Variants in AGTPBP1 observed in about 807,000 individuals in gnomAD.
AGTPBP1 encodes cytosolic carboxypeptidase 1.
A neutral mutation model predicts 143.9 loss-of-function variants in AGTPBP1; 70 were observed. That is an observed-to-expected ratio of 0.49 (90% CI 0.40 to 0.59). The LOEUF (loss-of-function observed/expected upper bound fraction) is 0.59. Among genes scored for constraint, AGTPBP1 ranks in the 20% least tolerant of loss-of-function variants. The pLI is 0.00. For synonymous variants in AGTPBP1, 463 were observed against 500.2 expected (o/e 0.93, Z 0.99); for missense variants, 1,229 against 1,464.5 (o/e 0.84, Z 2.62).
the AGTPBP1 span, chr9:85,756,201 T>C: frequency 1.9e-6 from 3 of 1,607,618 alleles, no homozygotes; most frequent in South Asian, 1.1e-5. Flanking sequence ...AAGGAGGCTC[T>C]GTTACAGGAG....
At position 85,646,374 on chromosome 9, in the gene AGTPBP1, C is replaced by T; in HGVS notation, c.1132G>A (p.Val378Ile). 1 of 1,613,056 alleles carries T rather than the reference C, an allele frequency of 6.2e-7. No homozygotes were observed. The highest frequency in any genetic ancestry group is 8.5e-7 in the Non-Finnish European group (1 of 1,179,736). Residue 378 changes from valine (V) to isoleucine (I), a missense_variant, in exon 12 of 26, where the codon GTA becomes ATA. Coordinates refer to ENST00000357081, the MANE Select transcript of AGTPBP1 (RefSeq NM_001330701.2). ...TTCTCAGTTTCGTTTTCAGCTTCTACATCAATATCATCGTTGTCATCACTT... is the reference window on the plus strand; with the variant it reads ...TTCTCAGTTTCGTTTTCAGCTTCTATATCAATATCATCGTTGTCATCACTT... ...DESDDNDDID[V>I]EAENETENED...
intron 2 of AGTPBP1, among the ~76,000 whole-genome samples, chr9:85,703,932 A>C (rs1342776766): frequency 2.0e-5 from 3 of 152,252 alleles, no homozygotes; most frequent in African/African-American, 4.8e-5. Flanking sequence ...GGTACCGCAG[A>C]CACCAACTGA....
chr9:85,707,486 C>T (rs76682886), intron 2 of AGTPBP1, among the ~76,000 whole-genome samples: 2,256 of 151,970 alleles, frequency 0.015, 24 homozygotes, highest in Middle Eastern at 0.037. Context: ...AACTTTCAAC[C>T]AGGCTGATTG....
intron 11 of AGTPBP1, among the ~76,000 whole-genome samples, chr9:85,646,644 T>C (rs1249737030): frequency 6.6e-6 from 1 of 152,248 alleles, no homozygotes; most frequent in East Asian, 1.9e-4. Flanking sequence ...TGAATTTTAC[T>C]AATGTTCTCA....
chr9:85,727,853 A>C (rs1273548481), intron 1 of AGTPBP1, among the ~76,000 whole-genome samples: 2 of 151,898 alleles, frequency 1.3e-5, no homozygotes, highest in African/African-American at 2.4e-5. Context: ...CTCCATCTCT[A>C]CAAAAAAATA....
rs199636418 is a variant in AGTPBP1 at position 85,585,578 on chromosome 9, T to C, written c.3050A>G (p.His1017Arg). Residue 1017 changes from histidine (H) to arginine (R), a missense_variant, in exon 23 of 26, where the codon CAT becomes CGT. By Grantham distance (29) the His-to-Arg change is conservative (BLOSUM62 0). Around this residue, in one of 2 missense-constraint regions of AGTPBP1, gnomAD observed 486 missense variants for 652.3 expected, o/e 0.75. Coordinates refer to ENST00000357081, the MANE Select transcript of AGTPBP1 (RefSeq NM_001330701.2). Reference protein sequence around the residue: ...KRLPLVYCDYHGHSRKKNVFM... With the variant: ...KRLPLVYCDYRGHSRKKNVFM... ...TACATTCTTCTTTCGGGAATGGCCA[T>C]GATAATCACAATAAACCTTGAAAAT... 1.9e-6 allele frequency: 3 copies of C among 1,605,720 alleles called. No homozygotes were observed. The highest frequency in any genetic ancestry group is 1.1e-5 in the South Asian group (1 of 89,130).
chr9:85,635,268 A>G (rs1831966085), intron 13 of AGTPBP1, among the ~76,000 whole-genome samples: 1 of 152,200 alleles, frequency 6.6e-6, no homozygotes. Context: ...AGTCCAAATT[A>G]AGAATCTTCC....
rs574990558 is a variant in AGTPBP1 at position 85,593,451 on chromosome 9, G to T, written c.2424-747C>A. Among the ~76,000 whole-genome samples, 3 of 152,282 alleles carry T rather than the reference G, an allele frequency of 2.0e-5. No individual in the cohort carries two copies. The South Asian group carries it at 6.2e-4, about 32-fold the overall frequency. The stretch of plus-strand genomic sequence containing the variant: ...AAAAGCAATGTGTGATCCTTGGCTG[G>T]ATTCTGATTAAATAAAACTATAAAA... On this transcript the variant is annotated intron_variant, in intron 18 of 25. Transcript: ENST00000357081.
chr9:85,734,989 C>G (rs1001676146), intron 1 of AGTPBP1, among the ~76,000 whole-genome samples: 1 of 151,958 alleles, frequency 6.6e-6, no homozygotes, highest in African/African-American at 2.4e-5. Flanking sequence ...GAGCTGAGAT[C>G]GCGCCACTGC....
intron 14 of AGTPBP1, among the ~76,000 whole-genome samples, chr9:85,630,593 C>T (rs1831612447): frequency 6.6e-6 from 1 of 152,050 alleles, no homozygotes; most frequent in South Asian, 2.1e-4. Flanking sequence ...GATGCTCCTC[C>T]CTCAGCCTCC....
chr9:85,586,746 T>C, intron 22 of AGTPBP1, 85 bp downstream of exon 22: 4 of 1,459,024 alleles, frequency 2.7e-6, no homozygotes, highest in Non-Finnish European at 3.7e-6. Context: ...TAATTTGACC[T>C]CATGATTATC....
chr9:85,611,783 C>T (rs1830332543), intron 17 of AGTPBP1, among the ~76,000 whole-genome samples: 1 of 152,168 alleles, frequency 6.6e-6, no homozygotes, highest in Admixed American at 6.5e-5. Flanking sequence ...CGAGTTCAAG[C>T]TATTCCCCTG....
At chr9:85,637,130 C>A (rs1289633551) in intron 13 of AGTPBP1, among the ~76,000 whole-genome samples, 1 of 151,388 alleles carries the variant, frequency 6.6e-6, no homozygotes, top group African/African-American at 2.4e-5. Flanking sequence ...CAACCTCCAG[C>A]TCCCGGGATT....
intron 1 of AGTPBP1, among the ~76,000 whole-genome samples, chr9:85,741,122 G>A (rs1381033866): frequency 1.3e-5 from 2 of 152,178 alleles, no homozygotes; most frequent in African/African-American, 4.8e-5. Flanking sequence ...AAGACACTAA[G>A]GAAACTCTGC....
chr9:85,638,505 T>C (rs1023077574), intron 13 of AGTPBP1, among the ~76,000 whole-genome samples: 4 of 152,060 alleles, frequency 2.6e-5, no homozygotes, highest in East Asian at 3.9e-4. Flanking sequence ...TAAATCCAAA[T>C]ATAGAAGTAA....
intron 10 of AGTPBP1, among the ~76,000 whole-genome samples, chr9:85,656,758 T>A (rs1833536422): frequency 6.6e-6 from 1 of 152,154 alleles, no homozygotes; most frequent in Non-Finnish European, 1.5e-5. Flanking sequence ...CCAGGTTTCA[T>A]TTTTGTACCT....
the AGTPBP1 span, among the ~76,000 whole-genome samples, chr9:85,802,582 C>T: frequency 8.3e-5 from 12 of 144,564 alleles, no homozygotes; most frequent in Admixed American, 7.4e-4. Context: ...CCTCCCTTCT[C>T]TCTTTTTTTC....
chr9:85,681,200 T>C, intron 4 of AGTPBP1, 68 bp downstream of exon 4: 3 of 1,388,522 alleles, frequency 2.2e-6, no homozygotes, highest in Non-Finnish European at 3.1e-6. Flanking sequence ...TACACACACA[T>C]ACGCTTTTTC....
chr9:85,605,140 TATAGA>T, intron 17 of AGTPBP1, among the ~76,000 whole-genome samples: 1 of 152,142 alleles, frequency 6.6e-6, no homozygotes, highest in Admixed American at 6.5e-5. Context: ...ACAAGAAGGC[TATAGA>T]ACACCACGCA....
Sources: gnomAD v4.1 joint callset for allele counts (sites outside exome capture counted in the v4.1 genomes callset) on GRCh38, gnomAD v4.1.1 for gene constraint, gnomAD v4.1.1 regional missense constraint, MANE v1.5 for transcripts, NCBI Gene and HGNC (gene_info 2026-07-23, HGNC 2026-07-21) for gene names.